Variants in MYH10 observed in about 807,000 individuals in gnomAD.
MYH10 encodes myosin heavy chain 10.
MYH10 carries 55 observed loss-of-function variants against 257.8 expected under a neutral mutation model. The ratio of observed to expected loss-of-function variants is 0.21; its 90% CI spans 0.17 to 0.27. The LOEUF (loss-of-function observed/expected upper bound fraction) is 0.27, where lower values mean the gene tolerates loss of function less well. Ranked by LOEUF, MYH10 falls within the 10% of genes least tolerant of loss-of-function variation. MYH10 has a pLI of 1.00. For missense variants in MYH10, 1,631 were observed against 2,500.6 expected (o/e 0.65, Z 7.42); for synonymous variants, 854 against 921.7 (o/e 0.93, Z 1.33).
intron 21 of MYH10, 138 bp downstream of exon 21, chr17:8,518,489 CCTGA>C (rs1164945750): frequency 1.4e-5 from 11 of 813,020 alleles, no homozygotes; most frequent in Admixed American, 2.8e-5. Flanking sequence ...CATGTATTTA[CCTGA>C]CTATCTCTGC....
Position 8,521,249 on chromosome 17 carries a change from A to G in MYH10, c.1994T>C (p.Met665Thr), listed in dbSNP as rs1036602523. Reference sequence around the variant, plus strand: ...TGCGGAGCCAAAAGCTGTCTCAGTCATACCAGTGACTTGATCCAGACCCAC... The same window carrying G: ...TGCGGAGCCAAAAGCTGTCTCAGTCGTACCAGTGACTTGATCCAGACCCAC... ...RIVGLDQVTGMTETAFGSAYK... is the reference protein window; with the variant it reads ...RIVGLDQVTGTTETAFGSAYK... The change falls in exon 18 of 43, where the codon ATG (methionine) becomes ACG (threonine). Residue 665 changes from methionine (M) to threonine (T), a missense_variant. Physicochemically the swap from Met to Thr is moderately conservative, Grantham distance 81 (BLOSUM62 -1). This residue lies in a region of MYH10 where 96 missense variants were observed against 146.2 expected (regional missense o/e 0.66). Transcript: ENST00000360416. 2 of 1,614,112 alleles carry G rather than the reference A, an allele frequency of 1.2e-6. No homozygotes were observed. Among genetic ancestry groups the G allele is most frequent in the Non-Finnish European group, 1.7e-6 (2 of 1,180,050 alleles).
At chr17:8,570,328 G>C (rs1371405707) in intron 6 of MYH10, among the ~76,000 whole-genome samples, 1 of 152,156 alleles carries the variant, frequency 6.6e-6, no homozygotes, top group African/African-American at 2.4e-5. Flanking sequence ...ACTTTCAGAG[G>C]ATGGTAAAGA....
intron 17 of MYH10, among the ~76,000 whole-genome samples, chr17:8,529,414 G>A (rs548672856): frequency 9.3e-4 from 141 of 152,342 alleles, no homozygotes; most frequent in Non-Finnish European, 1.5e-3. Context: ...CACTTTAGGA[G>A]AAAGTCCAAA....
chr17:8,621,864 C>T (rs1366019537), intron 2 of MYH10, among the ~76,000 whole-genome samples: 1 of 152,150 alleles, frequency 6.6e-6, no homozygotes. Flanking sequence ...GAAAGCCATT[C>T]TCCTACTTAC....
chr17:8,516,639 A>G (rs560542235), intron 21 of MYH10, among the ~76,000 whole-genome samples: 7 of 152,346 alleles, frequency 4.6e-5, no homozygotes, highest in African/African-American at 1.4e-4. Context: ...GTATATCTAT[A>G]TACTTCGTTT....
chr17:8,616,158 C>T (rs1227916103), intron 2 of MYH10, among the ~76,000 whole-genome samples: 1 of 152,088 alleles, frequency 6.6e-6, no homozygotes, highest in African/African-American at 2.4e-5. Context: ...TGGTACATGC[C>T]TATGGTCCCT....
At chr17:8,493,921 C>T (rs1567793021) in intron 31 of MYH10, 36 bp from the exon 32 acceptor site, 1 of 1,576,116 alleles carries the variant, frequency 6.3e-7, no homozygotes, top group Non-Finnish European at 8.6e-7. Context: ...ACTTCCATTA[C>T]ATTTATCACC....
At chr17:8,486,523 AAAATCTTTATATTT>A (rs1914807152) in intron 36 of MYH10, among the ~76,000 whole-genome samples, 4 of 150,334 alleles carry the variant, frequency 2.7e-5, no homozygotes, top group African/African-American at 9.8e-5. Flanking sequence ...AAACAAAAAA[AAAATCTTTATATTT>A]AGCTTCAAAA....
In MYH10 at chr17:8,478,325, C is replaced by T. The variant is rs1213049196; in HGVS notation, c.5706+13G>A. ...TGCTCACGCGCTTCCCAGGGAGGCA[C>T]TTCCTCGCGTACCTGCTCTTTATAC... On this transcript the variant is annotated intron_variant, in intron 41 of 42. Coordinates refer to ENST00000360416, the MANE Select transcript of MYH10 (RefSeq NM_001256012.3). 3 of 1,611,742 alleles carry T rather than the reference C, an allele frequency of 1.9e-6. No individual in the cohort carries two copies. The highest frequency in any genetic ancestry group is 1.3e-5 in the African/African-American group (1 of 74,858).
chr17:8,597,591 T>G (rs2084426410), intron 3 of MYH10, among the ~76,000 whole-genome samples: 1 of 151,046 alleles, frequency 6.6e-6, no homozygotes, highest in South Asian at 2.1e-4. Flanking sequence ...CTTTGACAAA[T>G]TCTGATCTTG....
At position 8,499,389 on chromosome 17, in the gene MYH10, T is replaced by G; in HGVS notation, c.3832A>C (p.Lys1278Gln). ...TTCCTCTTGTGCTCAGACTCAGCCT[T>G]GACCTGCTGCAGGACCTTCACCTCA... is the stretch of plus-strand genomic sequence containing the variant. The part of the protein sequence containing the change: ...ACEVKVLQQV[K>Q]AESEHKRKKL... Residue 1278 changes from lysine to glutamine, a missense_variant, in exon 30 of 43, where the codon AAG becomes CAG. By Grantham distance (53) the Lys-to-Gln change is moderately conservative. Around this residue, in one of 11 missense-constraint regions of MYH10, gnomAD observed 463 missense variants for 621.8 expected, o/e 0.74. Transcript: ENST00000360416. 1 of 1,614,230 alleles carries G rather than the reference T, an allele frequency of 6.2e-7. No homozygotes were observed. Among genetic ancestry groups the G allele is most frequent in the South Asian group, 1.1e-5 (1 of 91,090 alleles).
chr17:8,554,087 TAAG>T, intron 7 of MYH10, 69 bp from the exon 8 acceptor site: 2 of 1,060,380 alleles, frequency 1.9e-6, no homozygotes, highest in Non-Finnish European at 2.9e-6. Flanking sequence ...ACTAATAAAC[TAAG>T]AAGACAACAA....
Position 8,504,981 on chromosome 17 carries a change from C to A in MYH10, c.3387-75G>T. 13 of 1,233,304 alleles carry A rather than the reference C, an allele frequency of 1.1e-5. No homozygotes were observed. Among genetic ancestry groups the A allele is most frequent in the Non-Finnish European group, 1.5e-5 (13 of 847,330 alleles). 76.4% of individuals were successfully genotyped at this position (1,233,304 alleles called of 1,614,324 possible). A position where few individuals can be genotyped will look rare whatever the true frequency, so the allele number is the denominator to read the frequency against. On this transcript the variant is annotated intron_variant, in intron 27 of 42. Coordinates refer to ENST00000360416, the MANE Select transcript of MYH10 (RefSeq NM_001256012.3). This position sits in a 1 kb window ranked among gnomAD's most constrained non-coding sequence, Gnocchi z 5.6. Reference sequence around the variant, plus strand: ...GCCTGTTTCTCAGGCGAGCCCCAGCCCCTGAGCACCTCTCCACGAGACCCC... The same window carrying A: ...GCCTGTTTCTCAGGCGAGCCCCAGCACCTGAGCACCTCTCCACGAGACCCC...
At chr17:8,538,870 T>G (rs149439409) in intron 14 of MYH10, among the ~76,000 whole-genome samples, 19 of 152,206 alleles carry the variant, frequency 1.2e-4, no homozygotes, top group Non-Finnish European at 2.8e-4. Flanking sequence ...AAAGTTCACA[T>G]GTTGGAAACC....
intron 21 of MYH10, among the ~76,000 whole-genome samples, chr17:8,518,147 G>GTT (rs35202567): frequency 7.9e-6 from 1 of 125,790 alleles, no homozygotes; most frequent in African/African-American, 2.9e-5. Flanking sequence ...GTGTGTGTGT[G>GTT]TTTGAGATAG....
At chr17:8,489,750 A>ACACACACACACACACACACAC (rs1359860787) in intron 35 of MYH10, among the ~76,000 whole-genome samples, 1 of 87,700 alleles carries the variant, frequency 1.1e-5, no homozygotes, top group African/African-American at 5.2e-5. Context: ...CACACACCCC[A>ACACACACACACACACACACAC]AATCCAAAAC....
Position 8,479,319 on chromosome 17 carries a change from C to T in MYH10, c.5597+791G>A, listed in dbSNP as rs372029038. ...TGTTTCCAGATGCATCTACGTCGTC[C>T]CATATGAAGGAGAGGTAACTTATTT... On this transcript the variant is annotated intron_variant, in intron 40 of 42. Coordinates refer to ENST00000360416, the MANE Select transcript of MYH10 (RefSeq NM_001256012.3). Among the ~76,000 whole-genome samples, 210 of 152,182 alleles carry T rather than the reference C, an allele frequency of 1.4e-3. 1 individual carries two copies. Among genetic ancestry groups the T allele is most frequent in the African/African-American group, 4.8e-3 (200 of 41,520 alleles).
chr17:8,516,049 T>A (rs1722930818), intron 21 of MYH10, among the ~76,000 whole-genome samples: 1 of 152,144 alleles, frequency 6.6e-6, no homozygotes, highest in African/African-American at 2.4e-5. Context: ...AAATGATGAG[T>A]CAGAAACATG....
At chr17:8,564,508 A>G (rs1458297867) in intron 7 of MYH10, among the ~76,000 whole-genome samples, 2 of 152,196 alleles carry the variant, frequency 1.3e-5, no homozygotes, top group Non-Finnish European at 2.9e-5. Context: ...CAGAGGATCT[A>G]GCATATGCAC....
Sources: allele counts gnomAD v4.1 joint callset (sites outside exome capture counted in the v4.1 genomes callset), GRCh38; gene constraint gnomAD v4.1.1; regional missense constraint gnomAD v4.1.1; non-coding constraint Gnocchi (gnomAD v3.1); transcripts MANE v1.5; gene names NCBI Gene and HGNC (gene_info 2026-07-23, HGNC 2026-07-21).